Variants in AUTS2 observed in about 807,000 individuals in gnomAD.
The protein encoded by AUTS2 is activator of transcription and developmental regulator AUTS2.
In AUTS2, 17 loss-of-function variants were observed where a neutral mutation model predicts 112.4. The observed-to-expected ratio is 0.15, with a 90% confidence interval of 0.10 to 0.23. The LOEUF is 0.23. Among genes scored for constraint, AUTS2 ranks in the 10% least tolerant of loss-of-function variants. The pLI is 1.00. For missense variants in AUTS2, 1,510 were observed against 1,701.6 expected (o/e 0.89, Z 1.98); for synonymous variants, 751 against 702.7 (o/e 1.07, Z -1.09).
intron 4 of AUTS2, among the ~76,000 whole-genome samples, chr7:70,245,115 G>A (rs1266601179): frequency 6.0e-5 from 5 of 83,692 alleles, no homozygotes; most frequent in Non-Finnish European, 8.3e-5. Context: ...GTGAGATCCT[G>A]CCTCAAAAAA....
chr7:70,439,092 T>TA (rs1796015285), intron 5 of AUTS2, among the ~76,000 whole-genome samples: 1 of 152,200 alleles, frequency 6.6e-6, no homozygotes, highest in Non-Finnish European at 1.5e-5. Flanking sequence ...CGAAAGGGGC[T>TA]AAAAAAGCAG....
At chr7:70,026,643 T>C (rs1800536998) in intron 2 of AUTS2, among the ~76,000 whole-genome samples, 1 of 152,238 alleles carries the variant, frequency 6.6e-6, no homozygotes, top group South Asian at 2.1e-4. Flanking sequence ...GAAAGTTTCC[T>C]AACTTTAGAT....
chr7:70,361,209 C>A (rs1038273257), intron 4 of AUTS2, among the ~76,000 whole-genome samples: 1 of 151,902 alleles, frequency 6.6e-6, no homozygotes, highest in African/African-American at 2.4e-5. Context: ...GGCGGACGCC[C>A]GTAGTCCCAG....
At chr7:69,909,690 C>T (rs911544841) in intron 2 of AUTS2, among the ~76,000 whole-genome samples, 32 of 151,994 alleles carry the variant, frequency 2.1e-4, no homozygotes, top group African/African-American at 7.0e-4. Flanking sequence ...AAATATTTTC[C>T]TTTCTAAAGC....
intron 2 of AUTS2, among the ~76,000 whole-genome samples, chr7:70,090,389 A>G (rs1400470116): frequency 6.6e-6 from 1 of 152,028 alleles, no homozygotes; most frequent in Admixed American, 6.6e-5. Flanking sequence ...CTTGAGACGA[A>G]GTCTTGCTCT....
chr7:70,123,766 TG>T (rs1452337796), intron 3 of AUTS2, among the ~76,000 whole-genome samples: 1 of 152,200 alleles, frequency 6.6e-6, no homozygotes, highest in East Asian at 1.9e-4. Flanking sequence ...GGCATTTAGG[TG>T]TAGCCCGTGT....
At chr7:70,545,808 A>G (rs572759894) in intron 5 of AUTS2, among the ~76,000 whole-genome samples, 213 of 152,098 alleles carry the variant, frequency 1.4e-3, no homozygotes, top group Non-Finnish European at 2.5e-3. Flanking sequence ...TGACATAGGG[A>G]TGCAAAGATG....
chr7:69,989,270 A>G (rs1798641447), intron 2 of AUTS2, among the ~76,000 whole-genome samples: 1 of 152,174 alleles, frequency 6.6e-6, no homozygotes, highest in Non-Finnish European at 1.5e-5. Flanking sequence ...TTATATCATG[A>G]GTTATTACTG....
At chr7:70,403,065 A>G (rs997337718) in intron 4 of AUTS2, among the ~76,000 whole-genome samples, 11 of 152,208 alleles carry the variant, frequency 7.2e-5, no homozygotes, top group African/African-American at 2.4e-4. Flanking sequence ...TATAAACTGA[A>G]TGGGACTTTT....
At chr7:69,648,855 GA>G (rs200248774) in intron 1 of AUTS2, among the ~76,000 whole-genome samples, 4,022 of 152,254 alleles carry the variant, frequency 0.026, 67 homozygotes, top group Middle Eastern at 0.11. Context: ...TTCCTTGGGG[GA>G]AACTGTTACA....
intron 2 of AUTS2, among the ~76,000 whole-genome samples, chr7:70,096,670 G>A (rs1330661073): frequency 2.0e-5 from 3 of 150,866 alleles, no homozygotes; most frequent in Non-Finnish European, 1.5e-5. Flanking sequence ...ATTTGAGTTT[G>A]TATAATTTTC....
At chr7:70,745,479 A>G (rs1288621216) in intron 6 of AUTS2, among the ~76,000 whole-genome samples, 1 of 152,252 alleles carries the variant, frequency 6.6e-6, no homozygotes, top group African/African-American at 2.4e-5. Flanking sequence ...GGCTGAAAAT[A>G]TGAATCCTCT....
chr7:69,831,128 G>A (rs1301425574), intron 1 of AUTS2, among the ~76,000 whole-genome samples: 1 of 152,140 alleles, frequency 6.6e-6, no homozygotes, highest in Non-Finnish European at 1.5e-5. Context: ...CACTCCCCAA[G>A]AAGGTTGGAA....
intron 4 of AUTS2, among the ~76,000 whole-genome samples, chr7:70,274,730 C>T (rs1228724751): frequency 6.6e-6 from 1 of 152,198 alleles, no homozygotes; most frequent in Non-Finnish European, 1.5e-5. Flanking sequence ...GAAAGGATCT[C>T]TGATCTAATC....
chr7:70,299,415 G>A (rs1789098718), intron 4 of AUTS2, among the ~76,000 whole-genome samples: 1 of 152,214 alleles, frequency 6.6e-6, no homozygotes, highest in East Asian at 1.9e-4. Flanking sequence ...GGATATTCAT[G>A]TGTTGTAGAT....
intron 5 of AUTS2, among the ~76,000 whole-genome samples, chr7:70,616,348 A>T (rs1241230498): frequency 6.6e-6 from 1 of 152,174 alleles, no homozygotes; most frequent in Admixed American, 6.5e-5. Context: ...GCTAATAGCT[A>T]CCACGTGGAG....
At chr7:70,138,895 T>G (rs1806708904) in intron 4 of AUTS2, among the ~76,000 whole-genome samples, 1 of 152,216 alleles carries the variant, frequency 6.6e-6, no homozygotes, top group Non-Finnish European at 1.5e-5. Flanking sequence ...GAATATTCTT[T>G]GCCCCTTTCT....
intron 4 of AUTS2, among the ~76,000 whole-genome samples, chr7:70,238,664 G>T (rs1431225983): frequency 6.7e-6 from 1 of 148,332 alleles, no homozygotes; most frequent in Admixed American, 6.7e-5. Flanking sequence ...TATTATTAGT[G>T]TTTTTTTTTT....
intron 1 of AUTS2, among the ~76,000 whole-genome samples, chr7:69,735,489 C>T (rs565388847): frequency 6.6e-5 from 10 of 152,146 alleles, no homozygotes; most frequent in African/African-American, 2.4e-4. Context: ...TTTTTACCTT[C>T]TAATTATTTA....
Sources: gnomAD v4.1 joint callset for allele counts (sites outside exome capture counted in the v4.1 genomes callset) on GRCh38, gnomAD v4.1.1 for gene constraint, MANE v1.5 for transcripts, NCBI Gene and HGNC (gene_info 2026-07-23, HGNC 2026-07-21) for gene names.